PRKRA: variants seen among roughly 807,000 people sequenced by gnomAD.
PRKRA encodes interferon-inducible double-stranded RNA-dependent protein kinase activator A.
Under a neutral mutation model 32.4 loss-of-function variants are expected in PRKRA, and 22 were observed. The observed-to-expected ratio is 0.68, with a 90% CI of 0.49 to 0.97. PRKRA has a LOEUF of 0.97. Ranked by LOEUF, PRKRA falls within the 50% of genes least tolerant of loss-of-function variation. The probability of loss-of-function intolerance (pLI) is 0.00; values close to 1 mark genes in which losing one functional copy is unlikely to be tolerated. For synonymous variants in PRKRA, 139 were observed against 129.8 expected (o/e 1.07, Z -0.48); for missense variants, 319 against 375.6 (o/e 0.85, Z 1.25).
Position 178,450,969 on chromosome 2 carries a change from A to C in PRKRA, c.62T>G (p.Phe21Cys). Reference sequence around the variant, plus strand: ...CCCTGACTGCCCGCACGCTGACCTGAAGGTCCCACTGTCCTCGCGCTCCAG... The same window carrying C: ...CCCTGACTGCCCGCACGCTGACCTGCAGGTCCCACTGTCCTCGCGCTCCAG... ...PPLEREDSGTFSLGKMITAKP... is the reference protein window; with the variant it reads ...PPLEREDSGTCSLGKMITAKP... The change falls in exon 1 of 8, where the codon TTC becomes TGC. Residue 21 changes from phenylalanine to cysteine, a missense_variant. Coordinates refer to ENST00000325748, the MANE Select transcript of PRKRA (RefSeq NM_003690.5). 1 of 1,559,692 alleles carries C rather than the reference A, an allele frequency of 6.4e-7. No homozygotes were observed. The highest frequency in any genetic ancestry group is 8.6e-7 in the Non-Finnish European group (1 of 1,158,594).
In PRKRA at chr2:178,440,905, A is replaced by T. The variant is rs187072363; in HGVS notation, c.609+705T>A. On this transcript the variant is annotated intron_variant, in intron 6 of 7. Coordinates refer to ENST00000325748, the MANE Select transcript of PRKRA (RefSeq NM_003690.5). ...TATATAGGGGTCCCTTTAAGATTTAATCCCTCTTTACTTTGCTGGCCTCAT... is the reference window on the plus strand; with the variant it reads ...TATATAGGGGTCCCTTTAAGATTTATTCCCTCTTTACTTTGCTGGCCTCAT... Among the ~76,000 whole-genome samples, 3 of 152,280 alleles carry T rather than the reference A, an allele frequency of 2.0e-5. No individual in the cohort carries two copies. In the East Asian group the frequency reaches 5.8e-4, roughly 29 times the overall value.
At chr2:178,442,726 G>A (rs1183868082) in intron 5 of PRKRA, among the ~76,000 whole-genome samples, 1 of 152,170 alleles carries the variant, frequency 6.6e-6, no homozygotes, top group Admixed American at 6.5e-5. Context: ...ACAAAAACAT[G>A]CCAGAGAAGT....
chr2:178,440,855 C>A (rs1448131128), intron 6 of PRKRA, among the ~76,000 whole-genome samples: 2 of 152,174 alleles, frequency 1.3e-5, no homozygotes, highest in Non-Finnish European at 2.9e-5. Context: ...CTTTGTACTA[C>A]CCTTGGGATA....
chr2:178,434,702 G>A (rs1696815659), intron 7 of PRKRA, among the ~76,000 whole-genome samples: 1 of 152,146 alleles, frequency 6.6e-6, no homozygotes, highest in African/African-American at 2.4e-5. Flanking sequence ...AAGTAGCACA[G>A]AATATCAGGA....
At chr2:178,446,346 G>C (rs1047196075) in intron 3 of PRKRA, among the ~76,000 whole-genome samples, 7 of 152,210 alleles carry the variant, frequency 4.6e-5, no homozygotes, top group Non-Finnish European at 8.8e-5. Flanking sequence ...CATGACCCTA[G>C]AGAATCAAGC....
chr2:178,448,449 G>A (rs1190235127), intron 2 of PRKRA, among the ~76,000 whole-genome samples: 2 of 152,112 alleles, frequency 1.3e-5, no homozygotes, highest in Non-Finnish European at 2.9e-5. Context: ...GAGTAGTGTG[G>A]GATTTTTGTC....
chr2:178,447,187 T>C (rs1001210574), intron 3 of PRKRA: 12 of 273,110 alleles, frequency 4.4e-5, no homozygotes, highest in Non-Finnish European at 8.4e-5. Flanking sequence ...TTCTTCAATG[T>C]AGAAATAATC....
At chr2:178,435,209 T>C (rs1204573544) in intron 7 of PRKRA, among the ~76,000 whole-genome samples, 1 of 148,818 alleles carries the variant, frequency 6.7e-6, no homozygotes, top group Non-Finnish European at 1.5e-5. Flanking sequence ...AGATCAAGAC[T>C]CCATCTTGGG....
At chr2:178,442,423 T>C (rs1015161189) in intron 5 of PRKRA, among the ~76,000 whole-genome samples, 1 of 152,164 alleles carries the variant, frequency 6.6e-6, no homozygotes, top group Admixed American at 6.5e-5. Context: ...TATATGAAAT[T>C]CCTTTTAACA....
Position 178,447,591 on chromosome 2 carries a change from A to ACGGTTAC in PRKRA, c.236-6_236-5insGTAACCG, listed in dbSNP as rs775589768. ...GCTTCTTACTTGTACCTTCACCTGA[A>ACGGTTAC]TTAAGATTTAAAAAAAGAAGTCTTT... On this transcript the variant is annotated splice_region_variant and splice_polypyrimidine_tract_variant and intron_variant, in intron 2 of 7. Coordinates refer to ENST00000325748, the MANE Select transcript of PRKRA (RefSeq NM_003690.5). 3.5e-6 allele frequency: 3 copies of ACGGTTAC among 860,128 alleles called. No homozygotes were observed. Among genetic ancestry groups the ACGGTTAC allele is most frequent in the Non-Finnish European group, 4.9e-6 (3 of 606,578 alleles). 53.3% of individuals were successfully genotyped at this position (860,128 alleles called of 1,614,324 possible). A position where few individuals can be genotyped will look rare whatever the true frequency, so the allele number is the denominator to read the frequency against.
chr2:178,433,573 C>T (rs767373472), intron 7 of PRKRA: 20 of 152,170 alleles, frequency 1.3e-4, no homozygotes, highest in Non-Finnish European at 2.8e-4. Flanking sequence ...ACCTTATTAT[C>T]GTGGTTTTGA....
At chr2:178,432,491 C>T (rs762775030) in intron 7 of PRKRA, among the ~76,000 whole-genome samples, 1 of 152,168 alleles carries the variant, frequency 6.6e-6, no homozygotes, top group Non-Finnish European at 1.5e-5. Context: ...ATACAGATAT[C>T]TAGGCTGCAC....
Position 178,444,379 on chromosome 2 carries a change from TTATTA to T in PRKRA, c.396+38_396+42del, listed in dbSNP as rs760577131. 7.9e-5 allele frequency: 91 copies of T among 1,146,620 alleles called. No individual in the cohort carries two copies. In the East Asian group the frequency reaches 1.9e-3, roughly 23 times the overall value. The allele number at this position is 1,146,620 out of a possible 1,614,324, so 71.0% of individuals were successfully genotyped here. On this transcript the variant is annotated intron_variant, in intron 4 of 7. Coordinates refer to ENST00000325748, the MANE Select transcript of PRKRA (RefSeq NM_003690.5). Reference sequence around the variant, plus strand: ...TGTTAGCCCCTCTGACATTACAAACTTATTATATATTTCATCAGTAGGCAAAGAAC... The same window carrying T: ...TGTTAGCCCCTCTGACATTACAAACTTATATTTCATCAGTAGGCAAAGAAC...
chr2:178,435,661 T>C (rs1023543981), intron 7 of PRKRA, among the ~76,000 whole-genome samples: 3 of 152,176 alleles, frequency 2.0e-5, no homozygotes, highest in South Asian at 2.1e-4. Context: ...GTGCTAGAAA[T>C]GTAGGTGCCT....
At chr2:178,439,783 G>A (rs1697044941) in intron 6 of PRKRA, 1 of 151,746 alleles carries the variant, frequency 6.6e-6, no homozygotes, top group Non-Finnish European at 1.5e-5. Flanking sequence ...AATTTTTTTG[G>A]CATCCATTGA....
intron 5 of PRKRA, 46 bp from the exon 6 acceptor site, chr2:178,441,750 T>C: frequency 7.0e-7 from 1 of 1,438,730 alleles, no homozygotes; most frequent in Non-Finnish European, 9.8e-7. Context: ...GAAATTAGTG[T>C]CCACAGAGGA....
chr2:178,448,093 G>A (rs574774265), intron 2 of PRKRA, among the ~76,000 whole-genome samples: 1 of 151,656 alleles, frequency 6.6e-6, no homozygotes. Context: ...GCTTTGCTAG[G>A]CTGAGCAGTC....
At chr2:178,437,624 A>C (rs1696951870) in intron 6 of PRKRA, among the ~76,000 whole-genome samples, 1 of 152,148 alleles carries the variant, frequency 6.6e-6, no homozygotes, top group Admixed American at 6.5e-5. Context: ...GTACACTTTT[A>C]ATTTTGATAA....
chr2:178,440,284 GC>G (rs1222274212), intron 6 of PRKRA: 3 of 151,936 alleles, frequency 2.0e-5, no homozygotes, highest in Non-Finnish European at 4.4e-5. Context: ...TAAAGAATGA[GC>G]CCTTATTTTA....
Sources: allele counts gnomAD v4.1 joint callset (sites outside exome capture counted in the v4.1 genomes callset), GRCh38; gene constraint gnomAD v4.1.1; transcripts MANE v1.5; gene names NCBI Gene and HGNC (gene_info 2026-07-23, HGNC 2026-07-21).